ZNF487: variants seen among roughly 807,000 people sequenced by gnomAD.
ZNF487 encodes the protein KRAB domain only 1.
A neutral mutation model predicts 3.0 loss-of-function variants in ZNF487; 4 were observed. The observed-to-expected ratio is 1.35, with a 90% CI of 0.66 to 3.08. ZNF487 has a LOEUF of 3.08. Among genes scored for constraint, ZNF487 ranks in the 30% most tolerant of loss-of-function variants. The pLI, the probability that ZNF487 is intolerant of heterozygous loss-of-function variation, is 0.01. For synonymous variants in ZNF487, 55 were observed against 34.6 expected (o/e 1.59, Z -2.06); for missense variants, 146 against 98.7 (o/e 1.48, Z -2.03).
chr10:43,490,100 G>A, the ZNF487 span, among the ~76,000 whole-genome samples: 23 of 152,346 alleles, frequency 1.5e-4, no homozygotes, highest in African/African-American at 5.3e-4. Context: ...TATAATCCCA[G>A]CACTTTGAGA....
At chr10:43,456,736 A>G (rs1488589881) in intron 1 of ZNF487, among the ~76,000 whole-genome samples, 1 of 152,004 alleles carries the variant, frequency 6.6e-6, no homozygotes, top group Non-Finnish European at 1.5e-5. Flanking sequence ...GCGCGACACC[A>G]TGCCCGGTTA....
At chr10:43,474,547 C>T (rs1160813968) in intron 1 of ZNF487, among the ~76,000 whole-genome samples, 2 of 152,026 alleles carry the variant, frequency 1.3e-5, no homozygotes, top group Non-Finnish European at 2.9e-5. Context: ...CCAGCATGGG[C>T]AAAACAGCAA....
chr10:43,445,559 T>C (rs1839765832), intron 1 of ZNF487, among the ~76,000 whole-genome samples: 1 of 152,178 alleles, frequency 6.6e-6, no homozygotes, highest in Admixed American at 6.6e-5. Flanking sequence ...TTGTTCATTC[T>C]GGGGCAAATT....
chr10:43,489,521 T>G, the ZNF487 span, among the ~76,000 whole-genome samples: 1 of 152,056 alleles, frequency 6.6e-6, no homozygotes, highest in African/African-American at 2.4e-5. Flanking sequence ...GCCTGGCTAA[T>G]TTTTGTATTT....
chr10:43,505,245 C>T, the ZNF487 span, among the ~76,000 whole-genome samples: 1 of 151,590 alleles, frequency 6.6e-6, no homozygotes, highest in Non-Finnish European at 1.5e-5. Context: ...AATTTTTCTC[C>T]TATATAGCTC....
the ZNF487 span, among the ~76,000 whole-genome samples, chr10:43,494,786 A>AAAAAAAAAAAAC: frequency 6.7e-6 from 1 of 148,598 alleles, no homozygotes. Flanking sequence ...AAAAAAAAAA[A>AAAAAAAAAAAAC]AAAAGCTGGG....
the ZNF487 span, among the ~76,000 whole-genome samples, chr10:43,508,469 T>C: frequency 6.6e-6 from 1 of 152,160 alleles, no homozygotes; most frequent in Non-Finnish European, 1.5e-5. Context: ...TCATTGGCAC[T>C]TAACAACTTG....
intron 1 of ZNF487, chr10:43,453,517 C>T (rs1053954307): frequency 2.0e-5 from 3 of 152,190 alleles, no homozygotes; most frequent in Admixed American, 6.6e-5. Context: ...GCCAATTTGT[C>T]TCTCAGTGCA....
the ZNF487 span, among the ~76,000 whole-genome samples, chr10:43,509,815 C>A: frequency 6.6e-6 from 1 of 152,050 alleles, no homozygotes; most frequent in Non-Finnish European, 1.5e-5. Context: ...CTCACAGACA[C>A]GCCCGGGATC....
intron 1 of ZNF487, among the ~76,000 whole-genome samples, chr10:43,469,570 G>A (rs940974390): frequency 6.6e-6 from 1 of 151,800 alleles, no homozygotes; most frequent in African/African-American, 2.4e-5. Context: ...TGGGCTCCTT[G>A]GTTCAAATGA....
At chr10:43,460,850 G>T (rs1009887946) in intron 1 of ZNF487, among the ~76,000 whole-genome samples, 1 of 151,628 alleles carries the variant, frequency 6.6e-6, no homozygotes. Flanking sequence ...GCACCACCAG[G>T]ACTGGCTAAT....
intron 1 of ZNF487, among the ~76,000 whole-genome samples, chr10:43,444,186 T>C (rs2132039041): frequency 1.3e-5 from 2 of 152,264 alleles, no homozygotes; most frequent in Middle Eastern, 6.8e-3. Context: ...CCTTCTCTCC[T>C]TGTCCTTTGG....
the ZNF487 span, among the ~76,000 whole-genome samples, chr10:43,501,810 G>C: frequency 4.7e-5 from 7 of 150,058 alleles, no homozygotes; most frequent in Middle Eastern, 3.5e-3. Flanking sequence ...TTTCCAGACA[G>C]GGTCTTGCTC....
At chr10:43,502,081 C>T in the ZNF487 span, among the ~76,000 whole-genome samples, 1 of 152,160 alleles carries the variant, frequency 6.6e-6, no homozygotes, top group Admixed American at 6.5e-5. Flanking sequence ...GACACATGCA[C>T]ATGTATGTTT....
At chr10:43,494,901 C>A in the ZNF487 span, among the ~76,000 whole-genome samples, 1 of 145,946 alleles carries the variant, frequency 6.9e-6, no homozygotes, top group Non-Finnish European at 1.5e-5. Flanking sequence ...CACACCACTG[C>A]ACTCCAGCCT....
intron 2 of ZNF487, 44 bp downstream of exon 2, chr10:43,475,891 T>C (rs952196095): frequency 1.4e-6 from 1 of 704,218 alleles, no homozygotes; most frequent in Non-Finnish European, 2.6e-6. Context: ...ATTTATTTCC[T>C]TTTTAGCTGC....
chr10:43,457,150 G>A (rs1283093723), intron 1 of ZNF487, among the ~76,000 whole-genome samples: 1 of 152,150 alleles, frequency 6.6e-6, no homozygotes, highest in African/African-American at 2.4e-5. Flanking sequence ...AGAGGCTGAG[G>A]CAGGAGAATC....
Position 43,454,937 on chromosome 10 carries a change from C to CAAAAAA in ZNF487, c.-94+17690_-94+17695dup, listed in dbSNP as rs58217923. On this transcript the variant is annotated intron_variant, in intron 1 of 3. Transcript: ENST00000437590. ...TGGGCAACAGAGCCAGACCTTGTCT[C>CAAAAAA]AAAAAAAAAAAAAAAAAAAAGTCCT... Among the ~76,000 whole-genome samples the CAAAAAA allele has an allele frequency of 2.9e-3, 251 of 85,404 alleles. 2 individuals carry two copies. The highest frequency in any genetic ancestry group is 0.012 in the African/African-American group (247 of 21,116). 56.0% of individuals were successfully genotyped at this position (85,404 alleles called of 152,430 possible). A position where few individuals can be genotyped will look rare whatever the true frequency, so the allele number is the denominator to read the frequency against.
intron 1 of ZNF487, among the ~76,000 whole-genome samples, chr10:43,460,297 A>C (rs770799541): frequency 6.6e-6 from 1 of 151,378 alleles, no homozygotes; most frequent in Non-Finnish European, 1.5e-5. Flanking sequence ...TTGTTGCTTT[A>C]TCCTTTTAAA....
Sources: allele counts gnomAD v4.1 joint callset (sites outside exome capture counted in the v4.1 genomes callset), GRCh38; gene constraint gnomAD v4.1.1; transcripts MANE v1.5; gene names NCBI Gene and HGNC (gene_info 2026-07-23, HGNC 2026-07-21).